OSMR: variants seen among roughly 807,000 people sequenced by gnomAD.
OSMR encodes oncostatin-M-specific receptor subunit beta.
OSMR carries 81 observed loss-of-function variants against 99.9 expected under a neutral mutation model. The ratio of observed to expected loss-of-function variants is 0.81; its 90% CI spans 0.68 to 0.97. The LOEUF is 0.97. OSMR is among the 50% of genes least tolerant of loss of function. The pLI is 0.00. For synonymous variants in OSMR, 406 were observed against 410.4 expected (o/e 0.99, Z 0.13); for missense variants, 1,099 against 1,153.4 (o/e 0.95, Z 0.68).
chr5:38,879,043 G>A (rs995431270), intron 3 of OSMR, among the ~76,000 whole-genome samples: 1 of 152,228 alleles, frequency 6.6e-6, no homozygotes, highest in African/African-American at 2.4e-5. Context: ...TTCTACACAC[G>A]GGCTGTGTGT....
In OSMR at chr5:38,846,082, G is replaced by C. The variant is rs533781365; in HGVS notation, c.-319G>C. 6.6e-6 allele frequency: 1 copy of C among 152,296 alleles called. No individual in the cohort carries two copies. The highest frequency in any genetic ancestry group is 2.4e-5 in the African/African-American group (1 of 41,384). The allele number at this position is 152,296 out of a possible 1,614,324, so 9.4% of individuals were successfully genotyped here. A position where few individuals can be genotyped will look rare whatever the true frequency, so the allele number is the denominator to read the frequency against. On this transcript the variant is annotated 5_prime_UTR_variant, in exon 1 of 18. Coordinates refer to ENST00000274276, the MANE Select transcript of OSMR (RefSeq NM_003999.3). Reference sequence around the variant, plus strand: ...CGGAGCCCGCACCCGCGCCCCACGCGCCGCCGAGGACTCGGCCCGGCTCGT... The same window carrying C: ...CGGAGCCCGCACCCGCGCCCCACGCCCCGCCGAGGACTCGGCCCGGCTCGT...
At chr5:38,881,379 A>T (rs1255167730) in intron 3 of OSMR, 2 of 562,780 alleles carry the variant, frequency 3.6e-6, no homozygotes, top group Admixed American at 1.3e-4. Flanking sequence ...GACCATAGTG[A>T]TTGGAAGCTG....
chr5:38,927,050 C>T (rs1746505011), intron 15 of OSMR, among the ~76,000 whole-genome samples: 1 of 152,238 alleles, frequency 6.6e-6, no homozygotes, highest in Non-Finnish European at 1.5e-5. Flanking sequence ...AAATGATCTC[C>T]TTTGACTCCA....
At chr5:38,904,074 G>T (rs1249717553) in intron 8 of OSMR, 50 bp downstream of exon 8, 2 of 1,605,878 alleles carry the variant, frequency 1.2e-6, no homozygotes, top group South Asian at 1.1e-5. Context: ...TTTTTGTCCT[G>T]AACAGAGACA....
chr5:38,911,158 T>C (rs1027409761), intron 9 of OSMR, among the ~76,000 whole-genome samples: 3 of 152,070 alleles, frequency 2.0e-5, no homozygotes, highest in Non-Finnish European at 4.4e-5. Context: ...CCAGGAGTTA[T>C]TAAGAAGAAT....
At chr5:38,923,590 TA>T (rs201180012) in intron 13 of OSMR, among the ~76,000 whole-genome samples, 12 of 152,208 alleles carry the variant, frequency 7.9e-5, no homozygotes, top group Non-Finnish European at 1.0e-4. Flanking sequence ...TTTCAGCTTT[TA>T]AAATTTTTTT....
At chr5:38,941,343 T>A (rs1747552927) in intron 1 of OSMR, 1 of 231,784 alleles carries the variant, frequency 4.3e-6, no homozygotes, top group Non-Finnish European at 8.5e-6. Flanking sequence ...TAAGGAAATA[T>A]GGCTCTTCTT....
downstream of OSMR, among the ~76,000 whole-genome samples, chr5:38,937,561 A>T (rs979253837): frequency 6.6e-6 from 1 of 152,190 alleles, no homozygotes; most frequent in Non-Finnish European, 1.5e-5. The surrounding 1 kb of genome is among the most constrained non-coding windows in gnomAD (Gnocchi z 4.0). Context: ...AGCTTATCCA[A>T]TATCAGGGCA....
intron 1 of OSMR, chr5:38,942,704 C>G (rs756343226): frequency 1.4e-6 from 1 of 722,430 alleles, no homozygotes; most frequent in East Asian, 2.7e-5. Flanking sequence ...AATTCTCCCG[C>G]GCTGACCCCA....
chr5:38,904,167 T>C, intron 8 of OSMR, 143 bp downstream of exon 8: 1 of 1,527,314 alleles, frequency 6.5e-7, no homozygotes, highest in African/African-American at 1.4e-5. Context: ...GTCCATGAAA[T>C]TAATCATACA....
chr5:38,886,001 C>A lies in OSMR; in HGVS notation c.840-38C>A. The A allele has an allele frequency of 1.9e-6, 3 of 1,609,248 alleles. No individual in the cohort carries two copies. In the East Asian group the frequency reaches 6.7e-5, roughly 36 times the overall value. Reference sequence around the variant, plus strand: ...ACATTTGCTTTGACAAAAGTAAAAACCTCGTAATGGTTGTGTTATTTTGTT... The same window carrying A: ...ACATTTGCTTTGACAAAAGTAAAAAACTCGTAATGGTTGTGTTATTTTGTT... On this transcript the variant is annotated intron_variant, in intron 6 of 17. Coordinates refer to ENST00000274276, the MANE Select transcript of OSMR (RefSeq NM_003999.3).
intron 7 of OSMR, among the ~76,000 whole-genome samples, chr5:38,900,157 A>G (rs1306207897): frequency 6.6e-6 from 1 of 152,156 alleles, no homozygotes; most frequent in African/African-American, 2.4e-5. Flanking sequence ...GGCGGATATC[A>G]GCTGAGTTCA....
chr5:38,875,558 CT>C (rs1742749888), intron 2 of OSMR, among the ~76,000 whole-genome samples: 1 of 152,202 alleles, frequency 6.6e-6, no homozygotes, highest in Admixed American at 6.5e-5. Flanking sequence ...ACTAACTAGT[CT>C]AAAATTCCAC....
rs753778465 is a variant in OSMR at position 38,925,354 on chromosome 5, C to T, written c.2195C>T (p.Thr732Met). ...EGPSATFTKV[T>M]TPDEHSSMLI... is the part of the protein sequence containing the mutation. ...CCCAGTGCTACGTTCACGAAGGTCA[C>T]GACTCCGGATGAACACTGTGAGTTT... Residue 732 changes from threonine (T) to methionine (M), a missense_variant, in exon 15 of 18, where the codon ACG becomes ATG. By Grantham distance (81) the Thr-to-Met change is moderately conservative. Coordinates refer to ENST00000274276, the MANE Select transcript of OSMR (RefSeq NM_003999.3). The T allele has an allele frequency of 4.1e-5, 66 of 1,613,696 alleles. No individual in the cohort carries two copies. The highest frequency in any genetic ancestry group is 2.3e-4 in the South Asian group (21 of 91,070).
chr5:38,929,705 AG>A (rs1746632913), intron 15 of OSMR, among the ~76,000 whole-genome samples: 1 of 152,194 alleles, frequency 6.6e-6, no homozygotes, highest in South Asian at 2.1e-4. Context: ...CTTCATTCCT[AG>A]GTATATATGC....
chr5:38,941,627 A>C (rs1747583839), intron 1 of OSMR: 1 of 232,098 alleles, frequency 4.3e-6, no homozygotes, highest in Non-Finnish European at 8.5e-6. Flanking sequence ...TATATCCTGT[A>C]ATAACACATT....
At chr5:38,920,146 T>C (rs1746162661) in intron 11 of OSMR, among the ~76,000 whole-genome samples, 1 of 152,152 alleles carries the variant, frequency 6.6e-6, no homozygotes, top group Non-Finnish European at 1.5e-5. Context: ...AGCAATTATG[T>C]ATTTTGGGGT....
At chr5:38,938,537 A>C (rs370895115), downstream of OSMR, 33 of 232,784 alleles carry the variant, frequency 1.4e-4, 1 homozygote, top group East Asian at 5.5e-4. Context: ...CAAAATGTGC[A>C]ATTTATGCAT....
intron 12 of OSMR, among the ~76,000 whole-genome samples, chr5:38,922,780 G>C (rs536068023): frequency 1.1e-4 from 17 of 152,104 alleles, no homozygotes; most frequent in South Asian, 6.2e-4. Flanking sequence ...ATTCTTTTTT[G>C]GGGGGTGTGG....
Sources: allele counts gnomAD v4.1 joint callset (sites outside exome capture counted in the v4.1 genomes callset), GRCh38; gene constraint gnomAD v4.1.1; non-coding constraint Gnocchi (gnomAD v3.1); transcripts MANE v1.5; gene names NCBI Gene and HGNC (gene_info 2026-07-23, HGNC 2026-07-21).